The following MPZ variants were observed in gnomAD, a reference collection of about 807,000 sequenced individuals.
MPZ encodes the protein myelin protein zero.
A neutral mutation model predicts 27.9 loss-of-function variants in MPZ; 13 were observed. The ratio of observed to expected loss-of-function variants is 0.47; its 90% confidence interval spans 0.30 to 0.74. The LOEUF (loss-of-function observed/expected upper bound fraction) is 0.74. Ranked by LOEUF, MPZ falls within the 30% of genes least tolerant of loss-of-function variation. The probability of loss-of-function intolerance (pLI) is 0.06; values close to 1 mark genes in which losing one functional copy is unlikely to be tolerated. For synonymous variants in MPZ, 118 were observed against 128.9 expected, an observed-to-expected ratio of 0.92 and a Z score of 0.57; for missense variants, 256 against 317.5, an observed-to-expected ratio of 0.81 and a Z score of 1.47.
rs774299280 is a variant in MPZ, at chr1:161,306,057, G to A, written c.645+51C>T. On this transcript the variant is annotated intron_variant, in intron 5 of 5. Transcript: ENST00000533357. ...ATCCCACCCCTCACTGCTGCCCGGC[G>A]GCTCCCAGGGTTCTCCTTCCCATCT... The A allele has an allele frequency of 5.0e-6, 8 of 1,611,674 alleles. No homozygotes were observed. In the South Asian group the frequency reaches 5.5e-5, roughly 11 times the overall value.
intron 1 of MPZ, among the ~76,000 whole-genome samples, chr1:161,308,619 G>A (rs1243137977): frequency 1.3e-5 from 2 of 152,072 alleles, no homozygotes; most frequent in East Asian, 3.9e-4. Flanking sequence ...TTACCTTCTG[G>A]AACTTCCACC....
intron 1 of MPZ, among the ~76,000 whole-genome samples, chr1:161,309,552 A>ATATATTTTTTTTTT: frequency 0.014 from 1,109 of 80,180 alleles, 15 homozygotes; most frequent in South Asian, 0.047. Flanking sequence ...ATATATATAT[A>ATATATTTTTTTTTT]TTTTTTTTTT....
At chr1:161,306,078 C>T in intron 5 of MPZ, 30 bp downstream of exon 5, 1 of 1,614,010 alleles carries the variant, frequency 6.2e-7, no homozygotes, top group Non-Finnish European at 8.5e-7. Flanking sequence ...TTCTCCTTCC[C>T]ATCTTGTCTA....
chr1:161,308,051 C>A (rs1024746148), intron 1 of MPZ, among the ~76,000 whole-genome samples: 1 of 152,128 alleles, frequency 6.6e-6, no homozygotes, highest in Non-Finnish European at 1.5e-5. Flanking sequence ...TAAGAACTTA[C>A]GTATCTGGAG....
intron 2 of MPZ, 130 bp downstream of exon 2, chr1:161,307,128 G>A: frequency 3.1e-6 from 4 of 1,270,696 alleles, no homozygotes; most frequent in Non-Finnish European, 4.4e-6. Context: ...GACAAAGACT[G>A]TCATTTACCT....
chr1:161,306,221 G>C (rs1301318064), intron 4 of MPZ, 53 bp from the exon 5 acceptor site: 1 of 1,611,118 alleles, frequency 6.2e-7, no homozygotes, highest in East Asian at 2.2e-5. Flanking sequence ...CCCTTGCACC[G>C]CGGACACAGC....
chr1:161,306,539 C>T (rs1424057821), intron 3 of MPZ, 75 bp from the exon 4 acceptor site: 3 of 1,599,120 alleles, frequency 1.9e-6, no homozygotes, highest in Non-Finnish European at 2.6e-6. Context: ...AGTGTATGCC[C>T]TGCATTGAGG....
In MPZ at chr1:161,305,893, G is replaced by C. The variant is rs757552445; in HGVS notation, c.730C>G (p.Arg244Gly). ...EKKAKGLGES[R>G]KDKK is the part of the protein sequence containing the mutation. ...GCTAACCGCTATTTCTTATCCTTGC[G>C]AGACTCCCCCAGCCCCTTGGCCTTC... is the stretch of plus-strand genomic sequence containing the variant. Residue 244 changes from arginine (R) to glycine (G), a missense_variant, in exon 6 of 6, where the codon CGC becomes GGC. Around this residue, in one of 2 missense-constraint regions of MPZ, gnomAD observed 101 missense variants for 93.6 expected, o/e 1.08. Transcript: ENST00000533357. 6.2e-7 allele frequency: 1 copy of C among 1,613,490 alleles called. No individual in the cohort carries two copies. The highest frequency in any genetic ancestry group is 1.1e-5 in the South Asian group (1 of 91,072).
At chr1:161,307,014 C>CAAAAAAAAAAAGA in intron 2 of MPZ, 93 bp from the exon 3 acceptor site, 2 of 230,386 alleles carry the variant, frequency 8.7e-6, no homozygotes, top group South Asian at 2.8e-5. Context: ...AAGAAAAAAG[C>CAAAAAAAAAAAGA]AAAAAAAAAA....
Position 161,306,368 on chromosome 1 carries a change from C to T in MPZ, c.545G>A (p.Cys182Tyr), listed in dbSNP as rs756498901. The change falls in exon 4 of 6, where the codon TGC becomes TAC. Residue 182 changes from cysteine to tyrosine, a missense_variant. By Grantham distance (194) the Cys-to-Tyr change is radical (BLOSUM62 -2). Transcript: ENST00000533357. ...CAGGGCCGCCTGCCTGCGTAGCCAG[C>T]AGTACCGAACCACGTAGAAAAGCAG... ...LLLLFYVVRY[C>Y]WLRRQAALQR... 2.5e-6 allele frequency: 4 copies of T among 1,614,228 alleles called. No homozygotes were observed. The highest frequency in any genetic ancestry group is 2.5e-6 in the Non-Finnish European group (3 of 1,180,056).
At chr1:161,309,552 A>ATATATATATATATTT in intron 1 of MPZ, among the ~76,000 whole-genome samples, 1 of 80,644 alleles carries the variant, frequency 1.2e-5, no homozygotes, top group African/African-American at 5.8e-5. Flanking sequence ...ATATATATAT[A>ATATATATATATATTT]TTTTTTTTTT....
Position 161,305,828 on chromosome 1 carries a change from G to A in MPZ, c.*48C>T, listed in dbSNP as rs1670221263. ...CGATGACCATCACCTTTGGGCCTTT[G>A]GCGGACTCCACCCCTAACCCCCGAT... is the stretch of plus-strand genomic sequence containing the variant. On this transcript the variant is annotated 3_prime_UTR_variant, in exon 6 of 6. Coordinates refer to ENST00000533357, the MANE Select transcript of MPZ (RefSeq NM_000530.8). 7.1e-7 allele frequency: 1 copy of A among 1,398,694 alleles called. No individual in the cohort carries two copies. Among genetic ancestry groups the A allele is most frequent in the Non-Finnish European group, 1.0e-6 (1 of 994,964 alleles). The allele number at this position is 1,398,694 out of a possible 1,614,324, so 86.6% of individuals were successfully genotyped here.
intron 5 of MPZ, 45 bp from the exon 6 acceptor site, chr1:161,306,022 G>C (rs772991221): frequency 6.2e-7 from 1 of 1,609,240 alleles, no homozygotes; most frequent in Non-Finnish European, 8.5e-7. Context: ...ACTGGGGCTT[G>C]ACTGTTCCCA....
Position 161,304,999 on chromosome 1 carries a change from GT to G in MPZ, c.*876del, listed in dbSNP as rs1342677551. On this transcript the variant is annotated 3_prime_UTR_variant, in exon 6 of 6. Transcript: ENST00000533357. ...TCTGTCTCTCTCCTCAAGACCTGGA[GT>G]CCCAGAACAGTGCTCCAAAGTGGTC... The G allele has an allele frequency of 6.6e-6, 1 of 152,592 alleles. No homozygotes were observed. Among genetic ancestry groups the G allele is most frequent in the East Asian group, 1.9e-4 (1 of 5,314 alleles). 9.5% of individuals were successfully genotyped at this position (152,592 alleles called of 1,614,324 possible).
intron 1 of MPZ, 61 bp downstream of exon 1, chr1:161,309,778 G>T: frequency 7.5e-7 from 1 of 1,333,710 alleles, no homozygotes; most frequent in Non-Finnish European, 1.1e-6. Flanking sequence ...AGCAAAGGCT[G>T]TGGGGATTGC....
chr1:161,309,227 G>A (rs1189129677), intron 1 of MPZ, among the ~76,000 whole-genome samples: 4 of 152,200 alleles, frequency 2.6e-5, no homozygotes, highest in Non-Finnish European at 5.9e-5. Context: ...CTGAGGAGCT[G>A]AGACCACAAA....
rs1571822805 is a variant in MPZ at position 161,309,861 on chromosome 1, A to C, written c.45T>G (p.Ala15=). 1.3e-6 allele frequency: 2 copies of C among 1,587,702 alleles called. No homozygotes were observed. Among genetic ancestry groups the C allele is most frequent in the Non-Finnish European group, 1.7e-6 (2 of 1,168,022 alleles). Residue 15 remains alanine, a synonymous_variant, in exon 1 of 6, where the codon GCT becomes GCG. Transcript: ENST00000533357. The part of the protein sequence containing the change: ...APSSSPSPIL[A]VLLFSSLVLS... ...TACCCAAAGAAGAGAAGAGCAGCACAGCCAGGATAGGGCTGGGGCTGGATG... is the reference window on the plus strand; with the variant it reads ...TACCCAAAGAAGAGAAGAGCAGCACCGCCAGGATAGGGCTGGGGCTGGATG...
At chr1:161,309,552 A>ATATATATATATATATATATTTTTTT in intron 1 of MPZ, among the ~76,000 whole-genome samples, 5 of 80,660 alleles carry the variant, frequency 6.2e-5, no homozygotes, top group Non-Finnish European at 9.5e-5. Context: ...ATATATATAT[A>ATATATATATATATATATATTTTTTT]TTTTTTTTTT....
rs762247519 is a variant in MPZ, at chr1:161,306,931, A to G, written c.235-10T>C. ...TGGCATAGTGGAAGATCTATGAGGA[A>G]TGAGGGGAAGCATGTGAGAGGACCC... On this transcript the variant is annotated splice_polypyrimidine_tract_variant and intron_variant, in intron 2 of 5. Transcript: ENST00000533357. 6.5e-7 allele frequency: 1 copy of G among 1,534,352 alleles called. No homozygotes were observed. Among genetic ancestry groups the G allele is most frequent in the East Asian group, 2.6e-5 (1 of 38,548 alleles).
Sources: gnomAD v4.1 joint callset for allele counts (sites outside exome capture counted in the v4.1 genomes callset) on GRCh38, gnomAD v4.1.1 for gene constraint, gnomAD v4.1.1 regional missense constraint, MANE v1.5 for transcripts, NCBI Gene and HGNC (gene_info 2026-07-23, HGNC 2026-07-21) for gene names.